CMTM8: variants seen among roughly 807,000 people sequenced by gnomAD.
CMTM8 encodes the protein CKLF like MARVEL transmembrane domain containing 8.
In CMTM8, 12 loss-of-function variants were observed where a neutral mutation model predicts 18.6. The ratio of observed to expected loss-of-function variants is 0.65; its 90% CI spans 0.41 to 1.05. The LOEUF is 1.05. Ranked by LOEUF, CMTM8 falls within the 50% of genes least tolerant of loss-of-function variation. The pLI is 0.00. For missense variants in CMTM8, 217 were observed against 227.2 expected (o/e 0.95, Z 0.29); for synonymous variants, 87 against 90.6 (o/e 0.96, Z 0.23).
Position 32,239,074 on chromosome 3 carries a change from G to A in CMTM8, c.102G>A (p.Arg34=), listed in dbSNP as rs1323581543. The change falls in exon 1 of 4, where the codon CGG becomes CGA. Residue 34 remains arginine, a synonymous_variant. Transcript: ENST00000307526. ...STSSSSFAYD[R]EFLRTLPGFL... ...GCAGCAGCAGCTTCGCCTACGACCG[G>A]GAGTTCCTCCGCACCCTGCCCGGCT... 1 of 1,600,638 alleles carries A rather than the reference G, an allele frequency of 6.2e-7. No individual in the cohort carries two copies. The highest frequency in any genetic ancestry group is 1.7e-5 in the Admixed American group (1 of 58,652).
At chr3:32,240,413 A>G (rs1559359054) in intron 1 of CMTM8, among the ~76,000 whole-genome samples, 1 of 152,224 alleles carries the variant, frequency 6.6e-6, no homozygotes, top group African/African-American at 2.4e-5. Context: ...GAGTTCAACA[A>G]ATATTTGCTG....
intron 1 of CMTM8, among the ~76,000 whole-genome samples, chr3:32,244,767 T>C (rs1701989016): frequency 6.6e-6 from 1 of 152,214 alleles, no homozygotes; most frequent in South Asian, 2.1e-4. Context: ...GCTGTAGCAA[T>C]CTTTTTCTTT....
intron 1 of CMTM8, among the ~76,000 whole-genome samples, chr3:32,340,431 CT>C (rs1263304446): frequency 1.3e-5 from 2 of 152,184 alleles, no homozygotes; most frequent in African/African-American, 2.4e-5. Flanking sequence ...AATGTAACTC[CT>C]TGATGCTCCA....
At chr3:32,257,701 G>A (rs545486566) in intron 1 of CMTM8, among the ~76,000 whole-genome samples, 8 of 151,706 alleles carry the variant, frequency 5.3e-5, no homozygotes, top group East Asian at 2.0e-4. Flanking sequence ...TTTGTTTACC[G>A]AGAGACCACT....
At chr3:32,334,467 G>A (rs1007999811) in intron 1 of CMTM8, among the ~76,000 whole-genome samples, 9 of 151,964 alleles carry the variant, frequency 5.9e-5, no homozygotes, top group South Asian at 2.1e-4. Flanking sequence ...TTAGCTGGGC[G>A]TGGTGGTGGG....
intron 1 of CMTM8, among the ~76,000 whole-genome samples, chr3:32,322,988 T>C (rs1696087220): frequency 6.6e-6 from 1 of 152,266 alleles, no homozygotes; most frequent in African/African-American, 2.4e-5. Context: ...GCTCTCTCCA[T>C]AGACCCTGGC....
intron 2 of CMTM8, among the ~76,000 whole-genome samples, chr3:32,364,321 A>G (rs548323181): frequency 1.3e-5 from 2 of 152,268 alleles, no homozygotes; most frequent in Non-Finnish European, 2.9e-5. Context: ...TGGCTAACCC[A>G]GTGAAACCCC....
chr3:32,287,063 G>A (rs770835526), intron 1 of CMTM8, among the ~76,000 whole-genome samples: 1 of 152,200 alleles, frequency 6.6e-6, no homozygotes, highest in Non-Finnish European at 1.5e-5. Flanking sequence ...ATTTGTGGCT[G>A]CTTTGCTTAA....
intron 1 of CMTM8, among the ~76,000 whole-genome samples, chr3:32,246,118 T>C (rs1404314107): frequency 6.6e-6 from 1 of 152,202 alleles, no homozygotes; most frequent in African/African-American, 2.4e-5. Context: ...CTGTAATTGT[T>C]TTTTAAAGCA....
intron 3 of CMTM8, 137 bp downstream of exon 3, chr3:32,368,125 A>C (rs1697078662): frequency 1.5e-6 from 1 of 661,926 alleles, no homozygotes; most frequent in African/African-American, 1.8e-5. Flanking sequence ...TATTGATTTG[A>C]AAATATCTAA....
At chr3:32,299,139 G>A (rs775452179) in intron 1 of CMTM8, among the ~76,000 whole-genome samples, 27 of 151,524 alleles carry the variant, frequency 1.8e-4, no homozygotes, top group Non-Finnish European at 3.5e-4. Context: ...GAGTCCTGAC[G>A]TATTTTCATA....
intron 1 of CMTM8, among the ~76,000 whole-genome samples, chr3:32,288,885 T>C (rs1279772307): frequency 6.6e-6 from 1 of 152,178 alleles, no homozygotes; most frequent in Non-Finnish European, 1.5e-5. Flanking sequence ...TTGAGGTACA[T>C]GCCATTAGCT....
intron 1 of CMTM8, among the ~76,000 whole-genome samples, chr3:32,298,615 C>T (rs951401794): frequency 1.7e-4 from 26 of 151,184 alleles, no homozygotes; most frequent in African/African-American, 6.3e-4. Context: ...TCCTATCATT[C>T]GGCTCCTTAT....
chr3:32,252,552 G>A (rs1349256257), intron 1 of CMTM8, among the ~76,000 whole-genome samples: 1 of 152,094 alleles, frequency 6.6e-6, no homozygotes, highest in Non-Finnish European at 1.5e-5. Flanking sequence ...AAAGTGCTGA[G>A]TTTTTTCCAG....
intron 1 of CMTM8, among the ~76,000 whole-genome samples, chr3:32,278,902 T>G (rs967882091): frequency 6.6e-6 from 1 of 152,132 alleles, no homozygotes; most frequent in Non-Finnish European, 1.5e-5. Flanking sequence ...TGTACAGCTG[T>G]AGATGATGGA....
chr3:32,357,904 C>T (rs1038955133), intron 2 of CMTM8, among the ~76,000 whole-genome samples: 9 of 152,206 alleles, frequency 5.9e-5, no homozygotes, highest in Admixed American at 4.6e-4. Flanking sequence ...CTCTGCAGAT[C>T]GTGCTTCCTA....
intron 1 of CMTM8, among the ~76,000 whole-genome samples, chr3:32,350,750 C>T (rs959247583): frequency 2.0e-5 from 3 of 152,184 alleles, no homozygotes; most frequent in Non-Finnish European, 4.4e-5. Context: ...GTCTCGAACT[C>T]CTGACCTCGT....
At chr3:32,260,327 A>G (rs1168737410) in intron 1 of CMTM8, 1 of 630,694 alleles carries the variant, frequency 1.6e-6, no homozygotes, top group Non-Finnish European at 2.8e-6. Flanking sequence ...ACAAAGCTAA[A>G]TATAATGAAC....
intron 1 of CMTM8, among the ~76,000 whole-genome samples, chr3:32,286,351 G>T (rs1702686468): frequency 2.0e-5 from 3 of 152,176 alleles, no homozygotes; most frequent in African/African-American, 7.2e-5. Context: ...TGGTGGGCTA[G>T]ATGTGGCCTC....
Sources: allele counts gnomAD v4.1 joint callset (sites outside exome capture counted in the v4.1 genomes callset), GRCh38; gene constraint gnomAD v4.1.1; transcripts MANE v1.5; gene names NCBI Gene and HGNC (gene_info 2026-07-23, HGNC 2026-07-21).